The following DGKG variants were observed in gnomAD, a reference collection of about 807,000 sequenced individuals.
The protein encoded by DGKG is diacylglycerol kinase gamma, also known as DAG kinase gamma.
Under a neutral mutation model 105.3 loss-of-function variants are expected in DGKG, and 78 were observed. The ratio of observed to expected loss-of-function variants is 0.74; its 90% CI spans 0.62 to 0.89. The LOEUF (loss-of-function observed/expected upper bound fraction) is 0.89, where lower values mean the gene tolerates loss of function less well. Ranked by LOEUF, DGKG falls within the 40% of genes least tolerant of loss-of-function variation. The pLI, the probability that DGKG is intolerant of heterozygous loss-of-function variation, is 0.00. For missense variants in DGKG, 958 were observed against 1,020.1 expected, an observed-to-expected ratio of 0.94 and a Z score of 0.83; for synonymous variants, 346 against 367.1, an observed-to-expected ratio of 0.94 and a Z score of 0.66.
chr3:186,350,579 G>A (rs979793749), intron 1 of DGKG, among the ~76,000 whole-genome samples: 3 of 152,190 alleles, frequency 2.0e-5, no homozygotes, highest in African/African-American at 7.2e-5. Context: ...TCATGTTCCT[G>A]CTTTCAATTT....
At chr3:186,295,394 C>T (rs746797191) in intron 5 of DGKG, among the ~76,000 whole-genome samples, 19 of 151,564 alleles carry the variant, frequency 1.3e-4, no homozygotes, top group South Asian at 4.2e-4. Flanking sequence ...CCCAGCTACT[C>T]GAGAGACTGA....
At chr3:186,255,291 A>C (rs1056058465) in intron 17 of DGKG, among the ~76,000 whole-genome samples, 1 of 152,248 alleles carries the variant, frequency 6.6e-6, no homozygotes, top group Non-Finnish European at 1.5e-5. Flanking sequence ...TTGGGTTCTC[A>C]TGGTGCTTAC....
At chr3:186,341,255 T>C (rs1726071432) in intron 1 of DGKG, among the ~76,000 whole-genome samples, 1 of 152,366 alleles carries the variant, frequency 6.6e-6, no homozygotes, top group African/African-American at 2.4e-5. Context: ...ATTTATCATA[T>C]GCTGGAAGGG....
In DGKG at chr3:186,203,927, G is replaced by C. The variant is rs1490710840; in HGVS notation, c.1917+7868C>G. ...AGAAGGTTCAGATCATATCAGGAGA[G>C]ACCAAGACTTGAAGACCTCTTTCCC... On this transcript the variant is annotated intron_variant, in intron 21 of 24. Coordinates refer to ENST00000265022, the MANE Select transcript of DGKG (RefSeq NM_001346.3). The surrounding 1 kb of genome is among the most constrained non-coding windows in gnomAD (Gnocchi z 4.9). Among the ~76,000 whole-genome samples, 1 of 152,142 alleles carries C rather than the reference G, an allele frequency of 6.6e-6. No individual in the cohort carries two copies. The highest frequency in any genetic ancestry group is 2.4e-5 in the African/African-American group (1 of 41,430).
At chr3:186,245,450 A>G (rs1488929861) in intron 19 of DGKG, among the ~76,000 whole-genome samples, 12 of 152,240 alleles carry the variant, frequency 7.9e-5, no homozygotes, top group Admixed American at 7.9e-4. Flanking sequence ...TGACCTGAGC[A>G]TATTTACAAT....
In DGKG at chr3:186,214,213, G is replaced by A. The variant is rs558455249; in HGVS notation, c.1827-2328C>T. ...CGCAGAATAACTGAGAAGATCAAAC[G>A]GACTACTCATTCATTGCTGGCTGTG... On this transcript the variant is annotated intron_variant, in intron 20 of 24. Transcript: ENST00000265022. 2.6e-5 allele frequency among the ~76,000 whole-genome samples: 4 copies of A among 152,244 alleles called. No individual in the cohort carries two copies. The Middle Eastern group carries it at 0.01, about 388-fold the overall frequency.
intron 22 of DGKG, among the ~76,000 whole-genome samples, chr3:186,183,865 C>T (rs994351778): frequency 1.3e-4 from 20 of 152,058 alleles, no homozygotes; most frequent in African/African-American, 3.1e-4. Context: ...CCACCACACC[C>T]GGCTAATTTT....
At chr3:186,324,354 C>T (rs1725233428) in intron 1 of DGKG, among the ~76,000 whole-genome samples, 1 of 152,044 alleles carries the variant, frequency 6.6e-6, no homozygotes, top group African/African-American at 2.4e-5. Flanking sequence ...AAAAAGCTTA[C>T]TGGGTTGGTG....
At chr3:186,345,084 C>T (rs1243436168) in intron 1 of DGKG, among the ~76,000 whole-genome samples, 1 of 152,114 alleles carries the variant, frequency 6.6e-6, no homozygotes, top group African/African-American at 2.4e-5. Context: ...AATTGATGTA[C>T]ATATTTCCAT....
chr3:186,281,702 A>G (rs1484525464), intron 7 of DGKG, among the ~76,000 whole-genome samples: 3 of 152,210 alleles, frequency 2.0e-5, no homozygotes, highest in Non-Finnish European at 2.9e-5. Flanking sequence ...AGTGGGCACA[A>G]AGGTGGGGAA....
intron 5 of DGKG, among the ~76,000 whole-genome samples, chr3:186,290,603 C>T (rs1723271795): frequency 6.6e-6 from 1 of 152,194 alleles, no homozygotes; most frequent in Non-Finnish European, 1.5e-5. Context: ...CCTACAACTG[C>T]CACATCAGAC....
chr3:186,326,185 A>G (rs1725332869), intron 1 of DGKG, among the ~76,000 whole-genome samples: 1 of 152,164 alleles, frequency 6.6e-6, no homozygotes, highest in Non-Finnish European at 1.5e-5. Flanking sequence ...TGAGCCCAGG[A>G]GTTTGAGACC....
intron 20 of DGKG, among the ~76,000 whole-genome samples, chr3:186,218,789 A>G (rs1719428580): frequency 6.6e-6 from 1 of 152,152 alleles, no homozygotes; most frequent in African/African-American, 2.4e-5. Flanking sequence ...ATTTGGGAAA[A>G]CTGTAGCTAG....
intron 4 of DGKG, 110 bp from the exon 5 acceptor site, chr3:186,297,593 C>A: frequency 1.3e-6 from 1 of 779,456 alleles, no homozygotes; most frequent in Non-Finnish European, 2.2e-6. Context: ...GTGTCTGTGT[C>A]TCGGGGTTAT....
At chr3:186,192,332 C>T (rs1717948927) in intron 21 of DGKG, among the ~76,000 whole-genome samples, 1 of 152,154 alleles carries the variant, frequency 6.6e-6, no homozygotes, top group South Asian at 2.1e-4. Context: ...ATCCTTATCA[C>T]CCTCTAGATG....
chr3:186,354,565 C>T (rs975697856), intron 1 of DGKG, among the ~76,000 whole-genome samples: 3 of 152,170 alleles, frequency 2.0e-5, no homozygotes, highest in East Asian at 3.8e-4. Context: ...TTTTCTCTTC[C>T]ATCCCTTTTC....
intron 19 of DGKG, among the ~76,000 whole-genome samples, chr3:186,245,753 T>C (rs188161431): frequency 2.2e-4 from 34 of 152,258 alleles, no homozygotes; most frequent in Admixed American, 7.8e-4. Context: ...ACAAAGAAAT[T>C]TGGGCCCCTT....
At chr3:186,245,428 T>C (rs1419094488) in intron 19 of DGKG, among the ~76,000 whole-genome samples, 2 of 152,234 alleles carry the variant, frequency 1.3e-5, no homozygotes, top group East Asian at 3.8e-4. Flanking sequence ...CTGGAGCTTC[T>C]ATGTCAGGCA....
chr3:186,281,522 C>T lies in DGKG; in HGVS notation c.595-778G>A, dbSNP rs546730914. Among the ~76,000 whole-genome samples, 3 of 152,292 alleles carry T rather than the reference C, an allele frequency of 2.0e-5. No homozygotes were observed. The East Asian group carries it at 5.8e-4, about 29-fold the overall frequency. ...TCACAGTAAGATTGCTTTGGGAGGA[C>T]ATGTTGGTAGACTGAAGCAAGGTTC... On this transcript the variant is annotated intron_variant, in intron 7 of 24. Transcript: ENST00000265022.
Sources: allele counts gnomAD v4.1 joint callset (sites outside exome capture counted in the v4.1 genomes callset), GRCh38; gene constraint gnomAD v4.1.1; non-coding constraint Gnocchi (gnomAD v3.1); transcripts MANE v1.5; gene names NCBI Gene and HGNC (gene_info 2026-07-23, HGNC 2026-07-21).